The following PARD3B variants were observed in gnomAD, a reference collection of about 807,000 sequenced individuals.
PARD3B encodes the protein par-3 family cell polarity regulator beta.
PARD3B carries 103 observed loss-of-function variants against 130.2 expected under a neutral mutation model. That is an observed-to-expected ratio of 0.79 (90% CI 0.67 to 0.93). The LOEUF (loss-of-function observed/expected upper bound fraction) is 0.93, where lower values mean the gene tolerates loss of function less well. Among genes scored for constraint, PARD3B ranks in the 40% least tolerant of loss-of-function variants. PARD3B has a pLI of 0.00. For synonymous variants in PARD3B, 583 were observed against 553.2 expected (o/e 1.05, Z -0.76); for missense variants, 1,609 against 1,499.2 (o/e 1.07, Z -1.21).
At chr2:205,354,189 C>G (rs2044101777) in intron 18 of PARD3B, among the ~76,000 whole-genome samples, 1 of 151,558 alleles carries the variant, frequency 6.6e-6, no homozygotes, top group African/African-American at 2.4e-5. Flanking sequence ...CAGGCACATG[C>G]CACCATGCTC....
rs2048425952 is a variant in PARD3B at position 205,460,885 on chromosome 2, A to C, written c.3044+20213A>C. ...AAATAGAGGATCTGGAGAATAAAAA[A>C]ATCTAACAATGTAAGAAGAGGAGGC... On this transcript the variant is annotated intron_variant, in intron 20 of 22. Coordinates refer to ENST00000406610, the MANE Select transcript of PARD3B (RefSeq NM_001302769.2). The surrounding 1 kb of genome is among the most constrained non-coding windows in gnomAD (Gnocchi z 4.9). Among the ~76,000 whole-genome samples the C allele has an allele frequency of 6.6e-6, 1 of 152,216 alleles. No individual in the cohort carries two copies. Among genetic ancestry groups the C allele is most frequent in the Admixed American group, 6.5e-5 (1 of 15,282 alleles).
rs574696691 is a variant in PARD3B at position 205,413,586 on chromosome 2, G to A, written c.2741+12463G>A. ...ATGGTAGACAAAGCTATAGCGTTTA[G>A]AGATATAAGACTTTCCCTGGGCTAT... is the stretch of plus-strand genomic sequence containing the variant. On this transcript the variant is annotated intron_variant, in intron 19 of 22. Transcript: ENST00000406610. Among the ~76,000 whole-genome samples the A allele has an allele frequency of 3.9e-5, 6 of 152,302 alleles. No homozygotes were observed. In the South Asian group the frequency reaches 8.3e-4, roughly 21 times the overall value.
chr2:205,563,943 A>G lies in PARD3B; in HGVS notation c.3260+10540A>G, dbSNP rs1245129050. Reference sequence around the variant, plus strand: ...GAACACTCAGAACAAGGCAAGGGGAAGGAGTTAACATTTGTTGAGCCCGTA... The same window carrying G: ...GAACACTCAGAACAAGGCAAGGGGAGGGAGTTAACATTTGTTGAGCCCGTA... On this transcript the variant is annotated intron_variant, in intron 22 of 22. Coordinates refer to ENST00000406610, the MANE Select transcript of PARD3B (RefSeq NM_001302769.2). The surrounding 1 kb of genome is among the most constrained non-coding windows in gnomAD (Gnocchi z 4.2). Among the ~76,000 whole-genome samples the G allele has an allele frequency of 2.0e-5, 3 of 152,232 alleles. No homozygotes were observed. Among genetic ancestry groups the G allele is most frequent in the Non-Finnish European group, 2.9e-5 (2 of 68,044 alleles).
At chr2:204,957,305 A>T (rs532255161) in intron 2 of PARD3B, among the ~76,000 whole-genome samples, 2 of 152,212 alleles carry the variant, frequency 1.3e-5, no homozygotes, top group Non-Finnish European at 2.9e-5. Context: ...TTAATAGGGC[A>T]TATTTTTGTT....
intron 18 of PARD3B, among the ~76,000 whole-genome samples, chr2:205,356,906 A>AAG (rs1226410096): frequency 6.6e-6 from 1 of 151,092 alleles, no homozygotes; most frequent in Non-Finnish European, 1.5e-5. Flanking sequence ...AAAAAAAAAA[A>AAG]TAGAAGACAA....
intron 10 of PARD3B, among the ~76,000 whole-genome samples, chr2:205,126,596 A>T (rs996622011): frequency 1.2e-4 from 18 of 150,742 alleles, no homozygotes. Context: ...AAAAAAAAAA[A>T]TTAGCCGGGC....
intron 2 of PARD3B, among the ~76,000 whole-genome samples, chr2:204,805,126 A>G (rs1312443183): frequency 6.6e-6 from 1 of 152,116 alleles, no homozygotes; most frequent in Admixed American, 6.5e-5. Flanking sequence ...AAAATTACAA[A>G]AGACCAAGGT....
At chr2:204,577,482 TAAA>T (rs1459005704) in intron 1 of PARD3B, among the ~76,000 whole-genome samples, 2 of 152,230 alleles carry the variant, frequency 1.3e-5, no homozygotes, top group African/African-American at 4.8e-5. Flanking sequence ...TCCCTTGGAA[TAAA>T]ATGGGGATTT....
Position 205,158,201 on chromosome 2 carries a change from T to C in PARD3B, c.1435-521T>C, listed in dbSNP as rs1381621524. On this transcript the variant is annotated intron_variant, in intron 10 of 22. Transcript: ENST00000406610. This position sits in a 1 kb window ranked among gnomAD's most constrained non-coding sequence, Gnocchi z 5.4. Reference sequence around the variant, plus strand: ...GTAACATCTCATTTTTACTGTGTCTTATTAACAAACTTTACCAATAGTGTT... The same window carrying C: ...GTAACATCTCATTTTTACTGTGTCTCATTAACAAACTTTACCAATAGTGTT... Among the ~76,000 whole-genome samples, 5 of 152,230 alleles carry C rather than the reference T, an allele frequency of 3.3e-5. No individual in the cohort carries two copies. The highest frequency in any genetic ancestry group is 7.3e-5 in the Non-Finnish European group (5 of 68,036).
chr2:205,365,200 C>A (rs1359836116), intron 18 of PARD3B, among the ~76,000 whole-genome samples: 63 of 127,774 alleles, frequency 4.9e-4, no homozygotes, highest in Admixed American at 5.5e-4. Context: ...AACTCCGTGT[C>A]AAAAAAAAAA....
At chr2:204,933,632 A>T (rs966669531) in intron 2 of PARD3B, among the ~76,000 whole-genome samples, 12 of 152,164 alleles carry the variant, frequency 7.9e-5, no homozygotes, top group African/African-American at 2.9e-4. Flanking sequence ...TGGACTTCTA[A>T]ACCACTGTGC....
In PARD3B at chr2:205,158,974, G is replaced by C; in HGVS notation, c.1620+67G>C. The C allele has an allele frequency of 6.5e-7, 1 of 1,535,188 alleles. No individual in the cohort carries two copies. Among genetic ancestry groups the C allele is most frequent in the East Asian group, 2.3e-5 (1 of 44,390 alleles). On this transcript the variant is annotated intron_variant, in intron 11 of 22. Transcript: ENST00000406610. The surrounding 1 kb of genome is among the most constrained non-coding windows in gnomAD (Gnocchi z 5.4). ...TGGAGATGTGACTGTTGTACTTAGAGACTGAATGGAGAAAGTGTCTGAAGA... is the reference window on the plus strand; with the variant it reads ...TGGAGATGTGACTGTTGTACTTAGACACTGAATGGAGAAAGTGTCTGAAGA...
In PARD3B at chr2:205,126,068, T is replaced by A. The variant is rs188967386; in HGVS notation, c.1434+331T>A. On this transcript the variant is annotated intron_variant, in intron 10 of 22. Transcript: ENST00000406610. ...AGGCAAAACACAGTCAGCAAAATAA[T>A]TTGTGGACCTACTTTAATGAAGTTT... Among the ~76,000 whole-genome samples the A allele has an allele frequency of 1.9e-4, 29 of 152,298 alleles. No homozygotes were observed. The East Asian group carries it at 5.4e-3, about 28-fold the overall frequency.
At chr2:204,747,629 A>T (rs1010130435) in intron 2 of PARD3B, among the ~76,000 whole-genome samples, 2 of 152,176 alleles carry the variant, frequency 1.3e-5, no homozygotes, top group African/African-American at 4.8e-5. Flanking sequence ...AGGTGATCCT[A>T]TGCCAAAAGT....
At chr2:205,424,989 A>G (rs1051832403) in intron 19 of PARD3B, among the ~76,000 whole-genome samples, 3 of 152,228 alleles carry the variant, frequency 2.0e-5, no homozygotes, top group African/African-American at 7.2e-5. Context: ...CAATAAGAAT[A>G]AAGCACATCA....
chr2:204,613,620 T>C lies in PARD3B; in HGVS notation c.120+67501T>C, dbSNP rs183164130. ...ACCTATTTTCCCTTTCTTTGTCTTTTTGTTGTATTCTCTGTAACATTTTCT... is the reference window on the plus strand; with the variant it reads ...ACCTATTTTCCCTTTCTTTGTCTTTCTGTTGTATTCTCTGTAACATTTTCT... On this transcript the variant is annotated intron_variant, in intron 1 of 22. Coordinates refer to ENST00000406610, the MANE Select transcript of PARD3B (RefSeq NM_001302769.2). 2.6e-3 allele frequency among the ~76,000 whole-genome samples: 403 copies of C among 152,230 alleles called. 1 individual carries two copies. The highest frequency in any genetic ancestry group is 4.3e-3 in the Non-Finnish European group (293 of 67,998).
chr2:204,828,024 C>G (rs1231794605), intron 2 of PARD3B, among the ~76,000 whole-genome samples: 1 of 138,304 alleles, frequency 7.2e-6, no homozygotes. Context: ...CAGTTCAACC[C>G]AGGGGACACC....
intron 20 of PARD3B, among the ~76,000 whole-genome samples, chr2:205,445,081 A>G (rs1417362735): frequency 6.6e-6 from 1 of 152,146 alleles, no homozygotes; most frequent in Admixed American, 6.5e-5. Flanking sequence ...CTGTGACAGT[A>G]TTTCAGAGCT....
At chr2:204,894,682 C>G (rs1307942387) in intron 2 of PARD3B, among the ~76,000 whole-genome samples, 1 of 152,018 alleles carries the variant, frequency 6.6e-6, no homozygotes, top group Non-Finnish European at 1.5e-5. Flanking sequence ...ACCCAACCCC[C>G]AAATGCTTGA....
Sources: allele counts gnomAD v4.1 joint callset (sites outside exome capture counted in the v4.1 genomes callset), GRCh38; gene constraint gnomAD v4.1.1; non-coding constraint Gnocchi (gnomAD v3.1); transcripts MANE v1.5; gene names NCBI Gene and HGNC (gene_info 2026-07-23, HGNC 2026-07-21).